The following CEP19 variants were observed in gnomAD, a reference collection of about 807,000 sequenced individuals.
The protein encoded by CEP19 is centrosomal protein 19, also known as centrosomal protein of 19 kDa.
A neutral mutation model predicts 17.5 loss-of-function variants in CEP19; 14 were observed. The ratio of observed to expected loss-of-function variants is 0.80; its 90% CI spans 0.53 to 1.25. CEP19 has a LOEUF of 1.25. Among genes scored for constraint, CEP19 ranks in the 50% most tolerant of loss-of-function variants. CEP19 has a pLI of 0.00. For missense variants in CEP19, 193 were observed against 192.0 expected (o/e 1.01, Z -0.03); for synonymous variants, 59 against 65.5 (o/e 0.90, Z 0.48).
intron 1 of CEP19, among the ~76,000 whole-genome samples, chr3:196,709,806 T>G (rs1272700620): frequency 6.6e-6 from 1 of 152,246 alleles, no homozygotes; most frequent in Non-Finnish European, 1.5e-5. Context: ...CTGCTTTTGA[T>G]GTGACTGTGA....
chr3:196,708,487 G>A (rs751249107), intron 2 of CEP19, 41 bp downstream of exon 2: 16 of 1,593,590 alleles, frequency 1.0e-5, no homozygotes, highest in Non-Finnish European at 1.4e-5. Flanking sequence ...CCTGTATTTA[G>A]AGAATATTTA....
Position 196,712,086 on chromosome 3 carries a change from A to C in CEP19, c.-228T>G. The C allele has an allele frequency of 1.5e-6, 1 of 677,180 alleles. No homozygotes were observed. Among genetic ancestry groups the C allele is most frequent in the Non-Finnish European group, 2.7e-6 (1 of 363,976 alleles). 41.9% of individuals were successfully genotyped at this position (677,180 alleles called of 1,614,324 possible). Reference sequence around the variant, plus strand: ...AGGAAGAGGCGACAGCCACAGCCCTACTGACGAGCCCGAGGGGTGAACTCC... The same window carrying C: ...AGGAAGAGGCGACAGCCACAGCCCTCCTGACGAGCCCGAGGGGTGAACTCC... On this transcript the variant is annotated 5_prime_UTR_variant, in exon 1 of 3. Coordinates refer to ENST00000409690, the MANE Select transcript of CEP19 (RefSeq NM_032898.5).
chr3:196,710,203 A>AT (rs1394721540), intron 1 of CEP19, among the ~76,000 whole-genome samples: 14 of 152,160 alleles, frequency 9.2e-5, no homozygotes, highest in Admixed American at 9.2e-4. Flanking sequence ...TACTATAATC[A>AT]TATTATTCAC....
intron 2 of CEP19, 108 bp downstream of exon 2, chr3:196,708,420 G>A (rs1711602743): frequency 1.1e-5 from 11 of 981,030 alleles, no homozygotes; most frequent in Admixed American, 2.1e-5. Flanking sequence ...AGCTCACTGA[G>A]AGTAAGTAAT....
intron 1 of CEP19, 125 bp downstream of exon 1, chr3:196,711,804 G>C: frequency 1.4e-6 from 1 of 690,694 alleles, no homozygotes; most frequent in South Asian, 1.5e-5. Context: ...CCTCTCCCCA[G>C]AGATCAGTAA....
At chr3:196,709,868 A>T (rs956570495) in intron 1 of CEP19, among the ~76,000 whole-genome samples, 5 of 152,250 alleles carry the variant, frequency 3.3e-5, no homozygotes, top group African/African-American at 1.2e-4. Context: ...AAAGTGGCAT[A>T]GGGTGATGAT....
At chr3:196,708,962 C>T (rs911307898) in intron 1 of CEP19, 2 of 253,694 alleles carry the variant, frequency 7.9e-6, no homozygotes, top group African/African-American at 2.2e-5. Context: ...CGGGAACGAC[C>T]ACAAAGCTCA....
rs1476033976 is a variant in CEP19, at chr3:196,708,549, G to A, written c.109C>T (p.Arg37Ter). 1.1e-5 allele frequency: 17 copies of A among 1,613,908 alleles called. No homozygotes were observed. The highest frequency in any genetic ancestry group is 1.7e-5 in the Admixed American group (1 of 59,974). Residue 37 changes from arginine (R) to a stop codon, truncating the protein, a stop_gained, in exon 2 of 3, where the codon CGA becomes TGA. Coordinates refer to ENST00000409690, the MANE Select transcript of CEP19 (RefSeq NM_032898.5). LOFTEE classifies it high-confidence loss of function. ...GTACCTGAAAACTTTGAAAAGTTTCGAACTGGCATAATGCGCTGGCGAATT... is the reference window on the plus strand; with the variant it reads ...GTACCTGAAAACTTTGAAAAGTTTCAAACTGGCATAATGCGCTGGCGAATT... ...GKIRQRIMPV[R>*]NFSKFSDCTR... is the part of the protein sequence containing the mutation.
intron 1 of CEP19, among the ~76,000 whole-genome samples, chr3:196,709,183 T>C (rs1274719551): frequency 2.6e-5 from 4 of 152,178 alleles, no homozygotes; most frequent in African/African-American, 9.7e-5. Flanking sequence ...TATAGGGTCT[T>C]TACTATTTAT....
At position 196,712,011 on chromosome 3, in the gene CEP19, C is replaced by T; in HGVS notation, c.-153G>A. On this transcript the variant is annotated 5_prime_UTR_variant, in exon 1 of 3. Transcript: ENST00000409690. ...TGGGTTTTTCCACCCAACCGCAGTG[C>T]ACGCAAAGCCCCTAAGCCGACTGTG... The T allele has an allele frequency of 1.4e-6, 1 of 717,216 alleles. No homozygotes were observed. The highest frequency in any genetic ancestry group is 2.3e-4 in the Middle Eastern group (1 of 4,348). 44.4% of individuals were successfully genotyped at this position (717,216 alleles called of 1,614,324 possible).
At chr3:196,711,099 A>T (rs867099763) in intron 1 of CEP19, among the ~76,000 whole-genome samples, 16 of 136,062 alleles carry the variant, frequency 1.2e-4, no homozygotes, top group Non-Finnish European at 1.9e-4. Context: ...TTGGTACTCA[A>T]ATAATGTAGT....
chr3:196,708,608 A>C lies in CEP19; in HGVS notation c.50T>G (p.Ile17Ser). ...GATTTCACTCTCATAGATTAAGATA[A>C]TAGCTGGAGGCTGAAACCTAATCCC... ...KCGIRFQPPA[I>S]ILIYESEIKG... Residue 17 changes from isoleucine (I) to serine (S), a missense_variant, in exon 2 of 3, where the codon ATT becomes AGT. Transcript: ENST00000409690. The C allele has an allele frequency of 6.2e-7, 1 of 1,614,104 alleles. No homozygotes were observed. The highest frequency in any genetic ancestry group is 8.5e-7 in the Non-Finnish European group (1 of 1,179,954).
chr3:196,707,978 T>C (rs1711591704), intron 2 of CEP19, 66 bp from the exon 3 acceptor site: 3 of 1,508,056 alleles, frequency 2.0e-6, no homozygotes, highest in Non-Finnish European at 1.8e-6. Flanking sequence ...CATAAACTAC[T>C]GCAACAGCCA....
At chr3:196,708,866 C>T (rs940734667) in intron 1 of CEP19, 139 bp from the exon 2 acceptor site, 3 of 544,318 alleles carry the variant, frequency 5.5e-6, no homozygotes, top group South Asian at 2.4e-5. Context: ...AATTAAAATA[C>T]GGACTGCTTC....
chr3:196,707,697 T>C lies in CEP19; in HGVS notation c.346A>G (p.Arg116Gly), dbSNP rs763482424. The C allele has an allele frequency of 1.2e-6, 2 of 1,614,064 alleles. No homozygotes were observed. Among genetic ancestry groups the C allele is most frequent in the African/African-American group, 2.7e-5 (2 of 74,944 alleles). Reference protein sequence around the residue: ...NKLDDKELAKRKSIMDELFEK... With the variant: ...NKLDDKELAKGKSIMDELFEK... ...AAAAGTTCATCCATGATGCTCTTTCTTTTGGCAAGCTCCTTGTCATCTAGT... is the reference window on the plus strand; with the variant it reads ...AAAAGTTCATCCATGATGCTCTTTCCTTTGGCAAGCTCCTTGTCATCTAGT... Residue 116 changes from arginine (R) to glycine (G), a missense_variant, in exon 3 of 3, where the codon AGA (arginine) becomes GGA (glycine). Arg to Gly is a moderately radical substitution (Grantham distance 125). Coordinates refer to ENST00000409690, the MANE Select transcript of CEP19 (RefSeq NM_032898.5).
At chr3:196,708,422 G>A (rs1711603075) in intron 2 of CEP19, 106 bp downstream of exon 2, 3 of 1,006,616 alleles carry the variant, frequency 3.0e-6, no homozygotes, top group Admixed American at 2.1e-5. Context: ...CTCACTGAGA[G>A]TAAGTAATTC....
In CEP19 at chr3:196,711,919, G is replaced by A; in HGVS notation, c.-71+10C>T. ...TCACGTCTCCACTAGTGCAAGGCTG[G>A]CTTTCTTACCCTTAGAGGAATACAG... On this transcript the variant is annotated intron_variant, in intron 1 of 2. Coordinates refer to ENST00000409690, the MANE Select transcript of CEP19 (RefSeq NM_032898.5). The A allele has an allele frequency of 1.4e-6, 1 of 717,442 alleles. No homozygotes were observed. Among genetic ancestry groups the A allele is most frequent in the Middle Eastern group, 2.3e-4 (1 of 4,370 alleles). 44.4% of individuals were successfully genotyped at this position (717,442 alleles called of 1,614,324 possible). A position where few individuals can be genotyped will look rare whatever the true frequency, so the allele number is the denominator to read the frequency against.
chr3:196,707,764 A>T lies in CEP19; in HGVS notation c.279T>A (p.Ile93=). ...GQSLAETMEQ[I]QRETTIDPEE... is the part of the protein sequence containing the mutation. The stretch of plus-strand genomic sequence containing the variant: ...CAGGATCAATGGTTGTTTCCCGTTG[A>T]ATTTGTTCCATTGTTTCTGCCAGAC... The change falls in exon 3 of 3, where the codon ATT becomes ATA. Residue 93 remains isoleucine, a synonymous_variant. Transcript: ENST00000409690. 1.9e-6 allele frequency: 3 copies of T among 1,614,128 alleles called. No individual in the cohort carries two copies. The highest frequency in any genetic ancestry group is 2.5e-6 in the Non-Finnish European group (3 of 1,180,024).
At chr3:196,709,138 G>A (rs1711649839) in intron 1 of CEP19, among the ~76,000 whole-genome samples, 1 of 152,068 alleles carries the variant, frequency 6.6e-6, no homozygotes, top group African/African-American at 2.4e-5. Context: ...ACTGAAGATC[G>A]AATATGAACC....
Sources: allele counts gnomAD v4.1 joint callset (sites outside exome capture counted in the v4.1 genomes callset), GRCh38; gene constraint gnomAD v4.1.1; transcripts MANE v1.5; gene names NCBI Gene and HGNC (gene_info 2026-07-23, HGNC 2026-07-21).